The following MYT1L variants were observed in gnomAD, a reference collection of about 807,000 sequenced individuals.
MYT1L encodes myelin transcription factor 1 like.
Under a neutral mutation model 126.7 loss-of-function variants are expected in MYT1L, and 12 were observed. That is an observed-to-expected ratio of 0.09 (90% confidence interval 0.06 to 0.15). The LOEUF is 0.15. Among genes scored for constraint, MYT1L ranks in the 10% least tolerant of loss-of-function variants. The pLI is 1.00. For synonymous variants in MYT1L, 541 were observed against 604.2 expected (o/e 0.90, Z 1.53); for missense variants, 979 against 1,585.2 (o/e 0.62, Z 6.49).
At chr2:1,888,192 A>T (rs1040764505) in intron 16 of MYT1L, among the ~76,000 whole-genome samples, 1 of 152,054 alleles carries the variant, frequency 6.6e-6, no homozygotes, top group Non-Finnish European at 1.5e-5. Flanking sequence ...GTGTAGATAC[A>T]TGGGAAGGTT....
chr2:1,871,708 G>C (rs191588842), intron 18 of MYT1L, among the ~76,000 whole-genome samples: 1 of 152,146 alleles, frequency 6.6e-6, no homozygotes, highest in South Asian at 2.1e-4. Context: ...CCTCTTCAGG[G>C]CCTGGCACAA....
intron 14 of MYT1L, among the ~76,000 whole-genome samples, chr2:1,893,190 A>G (rs1488330830): frequency 6.6e-6 from 1 of 152,112 alleles, no homozygotes; most frequent in African/African-American, 2.4e-5. Flanking sequence ...GAGCTATTTA[A>G]ATCTCCTTTA....
intron 2 of MYT1L, among the ~76,000 whole-genome samples, chr2:2,196,974 G>T (rs574160023): frequency 1.3e-5 from 2 of 152,008 alleles, no homozygotes; most frequent in Admixed American, 1.3e-4. Context: ...TGAAATGTAA[G>T]GACACAAAAA....
intron 23 of MYT1L, among the ~76,000 whole-genome samples, chr2:1,798,254 C>T (rs1197436452): frequency 7.3e-6 from 1 of 137,666 alleles, no homozygotes; most frequent in East Asian, 2.1e-4. Context: ...CGGTCTCCCT[C>T]CATCCGGCAC....
intron 4 of MYT1L, among the ~76,000 whole-genome samples, chr2:2,053,469 A>G (rs138266991): frequency 2.3e-4 from 35 of 152,348 alleles, no homozygotes; most frequent in African/African-American, 7.7e-4. Flanking sequence ...GAAGTTTTTC[A>G]AGAAGCATGA....
At chr2:2,318,989 C>T (rs1023683381) in intron 1 of MYT1L, among the ~76,000 whole-genome samples, 15 of 152,152 alleles carry the variant, frequency 9.9e-5, no homozygotes, top group African/African-American at 3.4e-4. Flanking sequence ...TCAGGTCTGA[C>T]TCAAGGGAAA....
rs140530823 is a variant in MYT1L at position 2,198,348 on chromosome 2, T to C, written c.-420-25360A>G. ...AAGAGGACCGAGCTCTGGTATTCTA[T>C]TACACAGTAGGATAACCAGAGCAAA... On this transcript the variant is annotated intron_variant, in intron 2 of 24. Coordinates refer to ENST00000647738, the MANE Select transcript of MYT1L (RefSeq NM_001303052.2). Among the ~76,000 whole-genome samples the C allele has an allele frequency of 3.3e-3, 496 of 152,234 alleles. 2 individuals carry two copies. The highest frequency in any genetic ancestry group is 5.4e-3 in the Non-Finnish European group (367 of 68,018).
At chr2:2,017,497 C>A (rs749102394) in intron 4 of MYT1L, among the ~76,000 whole-genome samples, 1 of 152,148 alleles carries the variant, frequency 6.6e-6, no homozygotes, top group African/African-American at 2.4e-5. Flanking sequence ...CTTCATACTG[C>A]GAAGGTCACA....
intron 4 of MYT1L, among the ~76,000 whole-genome samples, chr2:2,003,864 G>A (rs891414210): frequency 1.3e-5 from 2 of 152,148 alleles, no homozygotes; most frequent in South Asian, 4.1e-4. Flanking sequence ...CACTCCCTCA[G>A]TGCACCATGC....
At chr2:2,076,503 A>G (rs957599004) in intron 3 of MYT1L, among the ~76,000 whole-genome samples, 4 of 152,308 alleles carry the variant, frequency 2.6e-5, no homozygotes, top group East Asian at 3.9e-4. Flanking sequence ...GGCCTTAAAA[A>G]CTAACCAATA....
At chr2:2,271,705 T>C (rs1257054701) in intron 2 of MYT1L, among the ~76,000 whole-genome samples, 1 of 152,188 alleles carries the variant, frequency 6.6e-6, no homozygotes, top group Non-Finnish European at 1.5e-5. Context: ...AGGGCCTGCA[T>C]CCTGGCTGTC....
intron 19 of MYT1L, among the ~76,000 whole-genome samples, chr2:1,850,507 C>G (rs962567318): frequency 3.9e-5 from 6 of 152,238 alleles, no homozygotes; most frequent in Admixed American, 2.0e-4. Context: ...CATGACTTCA[C>G]CATTCACAGC....
intron 2 of MYT1L, among the ~76,000 whole-genome samples, chr2:2,238,084 G>T (rs1324091722): frequency 6.6e-6 from 1 of 152,162 alleles, no homozygotes; most frequent in East Asian, 1.9e-4. Flanking sequence ...GTGTTTTAAG[G>T]TTTCTTAGTT....
intron 4 of MYT1L, among the ~76,000 whole-genome samples, chr2:2,038,618 T>G (rs1486762898): frequency 6.6e-6 from 1 of 152,164 alleles, no homozygotes; most frequent in Non-Finnish European, 1.5e-5. Flanking sequence ...AATCGATTTT[T>G]TATGTGTAGT....
Position 2,027,121 on chromosome 2 carries a change from C to T in MYT1L, c.-158+26857G>A, listed in dbSNP as rs564096930. 2.6e-5 allele frequency among the ~76,000 whole-genome samples: 4 copies of T among 152,318 alleles called. No homozygotes were observed. In the South Asian group the frequency reaches 6.2e-4, roughly 24 times the overall value. ...CTGCCTCAGTGTGAACCCCCCATCG[C>T]CGCTGCCGCCACAGACTGAGCCGCC... On this transcript the variant is annotated intron_variant, in intron 4 of 24. Coordinates refer to ENST00000647738, the MANE Select transcript of MYT1L (RefSeq NM_001303052.2).
chr2:1,817,752 G>A (rs2037908213), intron 21 of MYT1L, among the ~76,000 whole-genome samples: 1 of 152,190 alleles, frequency 6.6e-6, no homozygotes, highest in African/African-American at 2.4e-5. Context: ...CCACACACCT[G>A]GCTCAGCCAA....
At chr2:1,867,474 G>A (rs2045730314) in intron 18 of MYT1L, among the ~76,000 whole-genome samples, 1 of 152,168 alleles carries the variant, frequency 6.6e-6, no homozygotes, top group African/African-American at 2.4e-5. Context: ...TCACCAACTT[G>A]AATCCAAAGT....
At chr2:2,232,112 T>G (rs900292193) in intron 2 of MYT1L, among the ~76,000 whole-genome samples, 4 of 152,236 alleles carry the variant, frequency 2.6e-5, no homozygotes, top group East Asian at 1.9e-4. Context: ...GGCAAGAAGA[T>G]GTAACTTGCT....
intron 21 of MYT1L, among the ~76,000 whole-genome samples, chr2:1,831,433 C>T (rs879433177): frequency 6.6e-6 from 1 of 152,194 alleles, no homozygotes; most frequent in Non-Finnish European, 1.5e-5. Context: ...AGGTCCTGCC[C>T]ACTTCTGCGC....
Sources: allele counts gnomAD v4.1 joint callset (sites outside exome capture counted in the v4.1 genomes callset), GRCh38; gene constraint gnomAD v4.1.1; transcripts MANE v1.5; gene names NCBI Gene and HGNC (gene_info 2026-07-23, HGNC 2026-07-21).